The following MB21D2 variants were observed in gnomAD, a reference collection of about 807,000 sequenced individuals.
MB21D2 encodes Mab-21 domain containing 2, also known as nucleotidyltransferase MB21D2.
Under a neutral mutation model 33.3 loss-of-function variants are expected in MB21D2, and 9 were observed. That is an observed-to-expected ratio of 0.27 (90% CI 0.16 to 0.47). The LOEUF is 0.47. MB21D2 is among the 20% of genes least tolerant of loss of function. The probability of loss-of-function intolerance (pLI) is 0.99; values close to 1 mark genes in which losing one functional copy is unlikely to be tolerated. For missense variants in MB21D2, 540 were observed against 624.6 expected (o/e 0.86, Z 1.44); for synonymous variants, 241 against 236.3 (o/e 1.02, Z -0.18).
rs542345277 is a variant in MB21D2 at position 192,856,921 on chromosome 3, G to C, written c.212-57271C>G. 8.5e-5 allele frequency among the ~76,000 whole-genome samples: 13 copies of C among 152,124 alleles called. No homozygotes were observed. In the East Asian group the frequency reaches 2.5e-3, roughly 29 times the overall value. On this transcript the variant is annotated intron_variant, in intron 1 of 1. Transcript: ENST00000392452. ...TCTGTCTGTTTGAGATCTAAGCATA[G>C]TAACTGATTTAAAAAGAAAAATAAT... is the stretch of plus-strand genomic sequence containing the variant.
chr3:192,810,285 C>T (rs367687587), intron 1 of MB21D2, among the ~76,000 whole-genome samples: 2 of 152,156 alleles, frequency 1.3e-5, no homozygotes, highest in African/African-American at 4.8e-5. Flanking sequence ...CTCCTTGTAA[C>T]AAGCACCCTA....
chr3:192,875,015 T>TAAAA lies in MB21D2; in HGVS notation c.211+42611_211+42614dup, dbSNP rs56300027. ...CTACACCTTTGTAAACTGTCCCTAT[T>TAAAA]AAAAAAAAAACAAAAAACTCTTCTA... On this transcript the variant is annotated intron_variant, in intron 1 of 1. Transcript: ENST00000392452. 3.0e-4 allele frequency among the ~76,000 whole-genome samples: 44 copies of TAAAA among 149,140 alleles called. 1 individual carries two copies. In the Middle Eastern group the frequency reaches 0.014, roughly 47 times the overall value.
chr3:192,849,282 ATCT>A (rs1321716612), intron 1 of MB21D2, among the ~76,000 whole-genome samples: 2 of 123,634 alleles, frequency 1.6e-5, no homozygotes, highest in Non-Finnish European at 3.1e-5. Flanking sequence ...TTCGTTAACC[ATCT>A]TCAAGTGCAA....
chr3:192,799,529 A>T lies in MB21D2; in HGVS notation c.333T>A (p.Gly111=). The T allele has an allele frequency of 2.5e-6, 4 of 1,614,018 alleles. No homozygotes were observed. Among genetic ancestry groups the T allele is most frequent in the Non-Finnish European group, 3.4e-6 (4 of 1,179,994 alleles). Residue 111 remains glycine (G), a synonymous_variant, in exon 2 of 2, where the codon GGT becomes GGA. Transcript: ENST00000392452. This position sits in a 1 kb window ranked among gnomAD's most constrained non-coding sequence, Gnocchi z 4.1. ...GGGTAAAGTCCATATCATAGTCAGT[A>T]CCCCGGGCATAGACATTAAGCTCAT... The part of the protein sequence containing the change: ...DLDELNVYAR[G]TDYDMDFTLL...
At chr3:192,866,619 T>C (rs1216611299) in intron 1 of MB21D2, among the ~76,000 whole-genome samples, 1 of 152,222 alleles carries the variant, frequency 6.6e-6, no homozygotes, top group African/African-American at 2.4e-5. Context: ...TGAATTAATT[T>C]ATTCTTTCTC....
Position 192,798,288 on chromosome 3 carries a change from T to A in MB21D2, c.*98A>T, listed in dbSNP as rs1426596916. The A allele has an allele frequency of 6.6e-6, 9 of 1,365,922 alleles. No homozygotes were observed. Among genetic ancestry groups the A allele is most frequent in the Non-Finnish European group, 9.0e-6 (9 of 997,774 alleles). 84.6% of individuals were successfully genotyped at this position (1,365,922 alleles called of 1,614,324 possible). A position where few individuals can be genotyped will look rare whatever the true frequency, so the allele number is the denominator to read the frequency against. On this transcript the variant is annotated 3_prime_UTR_variant, in exon 2 of 2. Transcript: ENST00000392452. The surrounding 1 kb of genome is among the most constrained non-coding windows in gnomAD (Gnocchi z 4.8). ...TAAAATTTGTTCTTAACAAATCCAATCTAGGCTGGATATGTAAAAAACAGA... is the reference window on the plus strand; with the variant it reads ...TAAAATTTGTTCTTAACAAATCCAAACTAGGCTGGATATGTAAAAAACAGA...
chr3:192,879,796 C>T (rs1489648545), intron 1 of MB21D2, among the ~76,000 whole-genome samples: 1 of 152,120 alleles, frequency 6.6e-6, no homozygotes, highest in Non-Finnish European at 1.5e-5. Context: ...GCAGAGAATA[C>T]CCATAGCGAG....
intron 1 of MB21D2, among the ~76,000 whole-genome samples, chr3:192,912,951 A>G (rs1560259697): frequency 6.6e-6 from 1 of 152,228 alleles, no homozygotes; most frequent in Non-Finnish European, 1.5e-5. Flanking sequence ...ACTTATGCTT[A>G]CAAAGTTGTG....
At chr3:192,805,306 C>T (rs1577166788) in intron 1 of MB21D2, among the ~76,000 whole-genome samples, 1 of 152,116 alleles carries the variant, frequency 6.6e-6, no homozygotes, top group East Asian at 1.9e-4. Flanking sequence ...TTAGTATTCC[C>T]AAATAGACTG....
At chr3:192,814,681 T>A (rs1351023687) in intron 1 of MB21D2, among the ~76,000 whole-genome samples, 3 of 151,002 alleles carry the variant, frequency 2.0e-5, no homozygotes, top group African/African-American at 4.9e-5. Flanking sequence ...GCTAACACGG[T>A]GAAACCCTGT....
At chr3:192,810,250 C>T (rs1711756268) in intron 1 of MB21D2, among the ~76,000 whole-genome samples, 1 of 152,128 alleles carries the variant, frequency 6.6e-6, no homozygotes, top group African/African-American at 2.4e-5. Context: ...AACTGGTATC[C>T]ATCAAACTGT....
At chr3:192,871,649 G>A (rs1177709769) in intron 1 of MB21D2, among the ~76,000 whole-genome samples, 1 of 152,168 alleles carries the variant, frequency 6.6e-6, no homozygotes, top group East Asian at 1.9e-4. Context: ...GAGTGGTCAG[G>A]ATAAAGGGCC....
intron 1 of MB21D2, among the ~76,000 whole-genome samples, chr3:192,899,252 G>A (rs975601869): frequency 6.6e-6 from 1 of 152,218 alleles, no homozygotes; most frequent in Admixed American, 6.5e-5. Flanking sequence ...TGAACAGCCA[G>A]GCGCGGTGGC....
At chr3:192,907,369 G>A (rs1172374153) in intron 1 of MB21D2, among the ~76,000 whole-genome samples, 2 of 152,108 alleles carry the variant, frequency 1.3e-5, no homozygotes. Flanking sequence ...AAGTCCAAAG[G>A]GGAATGAAAC....
chr3:192,879,056 G>T (rs956688899), intron 1 of MB21D2, among the ~76,000 whole-genome samples: 2 of 152,166 alleles, frequency 1.3e-5, no homozygotes, highest in Non-Finnish European at 2.9e-5. Flanking sequence ...ACAGCAAGAG[G>T]TGCTCAAGAA....
At chr3:192,817,116 T>C (rs1252039412) in intron 1 of MB21D2, among the ~76,000 whole-genome samples, 1 of 152,242 alleles carries the variant, frequency 6.6e-6, no homozygotes, top group Non-Finnish European at 1.5e-5. Flanking sequence ...TTCTATCTAT[T>C]CTATCACTTC....
At chr3:192,883,321 T>C (rs1369663126) in intron 1 of MB21D2, among the ~76,000 whole-genome samples, 2 of 152,206 alleles carry the variant, frequency 1.3e-5, no homozygotes, top group East Asian at 3.8e-4. Context: ...ACTCATTTTA[T>C]ATTTGTATGA....
At chr3:192,913,533 GA>G (rs1398702067) in intron 1 of MB21D2, among the ~76,000 whole-genome samples, 4 of 151,836 alleles carry the variant, frequency 2.6e-5, no homozygotes, top group Non-Finnish European at 5.9e-5. Context: ...TTTAATAAAT[GA>G]AAAAACTGGC....
chr3:192,842,142 C>T, intron 1 of MB21D2, among the ~76,000 whole-genome samples: 1 of 152,106 alleles, frequency 6.6e-6, no homozygotes, highest in African/African-American at 2.4e-5. Flanking sequence ...GAGAGGTCAA[C>T]CAGGAGCCTT....
Sources: gnomAD v4.1 joint callset for allele counts (sites outside exome capture counted in the v4.1 genomes callset) on GRCh38, gnomAD v4.1.1 for gene constraint, Gnocchi (gnomAD v3.1) non-coding constraint, MANE v1.5 for transcripts, NCBI Gene and HGNC (gene_info 2026-07-23, HGNC 2026-07-21) for gene names.